Variants in SRPK2 observed in about 807,000 individuals in gnomAD.
SRPK2 encodes SFRS protein kinase 2.
Under a neutral mutation model 90.8 loss-of-function variants are expected in SRPK2, and 21 were observed. The observed-to-expected ratio is 0.23, with a 90% CI of 0.16 to 0.33. The LOEUF is 0.33. Among genes scored for constraint, SRPK2 ranks in the 10% least tolerant of loss-of-function variants. The probability of loss-of-function intolerance (pLI) is 1.00; values close to 1 mark genes in which losing one functional copy is unlikely to be tolerated. For synonymous variants in SRPK2, 288 were observed against 311.1 expected (o/e 0.93, Z 0.78); for missense variants, 620 against 869.0 (o/e 0.71, Z 3.60).
At chr7:105,147,204 G>A (rs1406635940) in intron 7 of SRPK2, among the ~76,000 whole-genome samples, 2 of 152,080 alleles carry the variant, frequency 1.3e-5, no homozygotes, top group South Asian at 2.1e-4. Flanking sequence ...GATCATTAAG[G>A]ATTCTGATCA....
intron 2 of SRPK2, among the ~76,000 whole-genome samples, chr7:105,274,618 T>C (rs1323981900): frequency 7.0e-6 from 1 of 143,830 alleles, no homozygotes; most frequent in African/African-American, 2.6e-5. Context: ...GCCATCTATG[T>C]GCGTGGGGCT....
chr7:105,319,050 C>T (rs1812611891), intron 2 of SRPK2, among the ~76,000 whole-genome samples: 1 of 152,108 alleles, frequency 6.6e-6, no homozygotes, highest in African/African-American at 2.4e-5. Context: ...AAAATAAAAA[C>T]AAATCCAAAA....
intron 1 of SRPK2, among the ~76,000 whole-genome samples, chr7:105,397,686 C>T (rs898324150): frequency 5.3e-5 from 8 of 151,870 alleles, no homozygotes; most frequent in Middle Eastern, 3.2e-3. Context: ...CTCTATCACC[C>T]AGGCTGGAGT....
chr7:105,333,531 C>T (rs186489507), intron 2 of SRPK2, among the ~76,000 whole-genome samples: 6 of 152,252 alleles, frequency 3.9e-5, no homozygotes, highest in East Asian at 1.9e-4. Flanking sequence ...ACATTTATCC[C>T]TCATAAATGA....
intron 3 of SRPK2, among the ~76,000 whole-genome samples, chr7:105,173,887 A>C (rs899223254): frequency 1.3e-5 from 2 of 151,870 alleles, no homozygotes; most frequent in Non-Finnish European, 2.9e-5. Context: ...ATTTAATATA[A>C]AAACCATGCA....
chr7:105,346,344 T>C (rs572939821), intron 2 of SRPK2, among the ~76,000 whole-genome samples: 5 of 152,166 alleles, frequency 3.3e-5, no homozygotes, highest in African/African-American at 1.2e-4. Flanking sequence ...ATCACATAAC[T>C]CTCTATGATG....
chr7:105,248,652 A>T (rs1047201714), intron 2 of SRPK2, among the ~76,000 whole-genome samples: 4 of 151,990 alleles, frequency 2.6e-5, no homozygotes, highest in African/African-American at 4.8e-5. Flanking sequence ...TAAAAATTCA[A>T]AGGTTAGTCC....
chr7:105,131,905 G>A (rs758412373), intron 13 of SRPK2, among the ~76,000 whole-genome samples: 4 of 152,138 alleles, frequency 2.6e-5, no homozygotes, highest in African/African-American at 4.8e-5. Context: ...GAACGCCTAA[G>A]TAAATACCAC....
intron 2 of SRPK2, among the ~76,000 whole-genome samples, chr7:105,276,466 G>A (rs1806508685): frequency 1.3e-5 from 2 of 151,888 alleles, no homozygotes; most frequent in East Asian, 3.9e-4. Context: ...AGCTGGTCAA[G>A]GTGGCTCACA....
chr7:105,244,777 C>G, intron 2 of SRPK2: 6 of 981,750 alleles, frequency 6.1e-6, no homozygotes, highest in Non-Finnish European at 9.9e-6. Flanking sequence ...TTGTGCGGGA[C>G]ATGATCCCGG....
intron 2 of SRPK2, among the ~76,000 whole-genome samples, chr7:105,220,247 G>T (rs951531069): frequency 6.6e-6 from 1 of 152,160 alleles, no homozygotes; most frequent in African/African-American, 2.4e-5. Context: ...GATTTTAACA[G>T]TCTAGCTTGT....
At chr7:105,121,387 A>AAG (rs1554406195) in intron 15 of SRPK2, among the ~76,000 whole-genome samples, 8 of 148,350 alleles carry the variant, frequency 5.4e-5, no homozygotes, top group Admixed American at 6.7e-5. Context: ...TAAAAAAAAA[A>AAG]AGAGAGAAAA....
At chr7:105,282,154 C>T (rs945130031) in intron 2 of SRPK2, among the ~76,000 whole-genome samples, 1 of 152,056 alleles carries the variant, frequency 6.6e-6, no homozygotes, top group South Asian at 2.1e-4. Flanking sequence ...ACGGAAAGTC[C>T]AGAAATAAAC....
chr7:105,364,775 T>C (rs915002410), intron 2 of SRPK2, among the ~76,000 whole-genome samples: 1 of 152,106 alleles, frequency 6.6e-6, no homozygotes, highest in African/African-American at 2.4e-5. Context: ...GCAAGTAAAC[T>C]ACTTCCACAC....
chr7:105,303,018 A>C (rs563838325), intron 2 of SRPK2, among the ~76,000 whole-genome samples: 13 of 152,128 alleles, frequency 8.5e-5, no homozygotes, highest in African/African-American at 3.1e-4. Flanking sequence ...AGCTTGCAGC[A>C]AGCCTAGTTT....
At position 105,351,816 on chromosome 7, in the gene SRPK2, AAAAGAAG is replaced by A. The variant is rs1213886344; in HGVS notation, c.71+36825_71+36831del. Among the ~76,000 whole-genome samples, 286 of 150,364 alleles carry A rather than the reference AAAAGAAG, an allele frequency of 1.9e-3. 3 individuals are homozygous for A. Among genetic ancestry groups the A allele is most frequent in the African/African-American group, 6.8e-3 (274 of 40,006 alleles). Reference sequence around the variant, plus strand: ...CAAGACTCCATCTCAAAAAAAAAAAAAAAGAAGAAGAAGAAGAAGAAGAAATAAATAA... The same window carrying A: ...CAAGACTCCATCTCAAAAAAAAAAAAAAGAAGAAGAAGAAGAAATAAATAA... On this transcript the variant is annotated intron_variant, in intron 2 of 15. Coordinates refer to ENST00000393651, the MANE Select transcript of SRPK2 (RefSeq NM_182692.3).
intron 2 of SRPK2, among the ~76,000 whole-genome samples, chr7:105,338,824 T>C (rs1815418103): frequency 6.6e-6 from 1 of 152,228 alleles, no homozygotes; most frequent in African/African-American, 2.4e-5. Context: ...TTGGTTATAA[T>C]AGTTCTCAAA....
At chr7:105,139,585 T>C (rs963087843) in intron 11 of SRPK2, among the ~76,000 whole-genome samples, 1 of 152,162 alleles carries the variant, frequency 6.6e-6, no homozygotes, top group African/African-American at 2.4e-5. Context: ...ATGTAAACAA[T>C]AGGATAAGTC....
At chr7:105,217,323 A>G (rs1797594935) in intron 2 of SRPK2, among the ~76,000 whole-genome samples, 2 of 152,248 alleles carry the variant, frequency 1.3e-5, no homozygotes, top group South Asian at 4.1e-4. Context: ...AAAAAGATTT[A>G]AAGTTGAACA....
Sources: gnomAD v4.1 joint callset for allele counts (sites outside exome capture counted in the v4.1 genomes callset) on GRCh38, gnomAD v4.1.1 for gene constraint, MANE v1.5 for transcripts, NCBI Gene and HGNC (gene_info 2026-07-23, HGNC 2026-07-21) for gene names.